FBN2: variants seen among roughly 807,000 people sequenced by gnomAD.
The protein encoded by FBN2 is fibrillin-2.
FBN2 carries 105 observed loss-of-function variants against 355.6 expected under a neutral mutation model. That is an observed-to-expected ratio of 0.30 (90% CI 0.25 to 0.35). The LOEUF (loss-of-function observed/expected upper bound fraction) is 0.35, where lower values mean the gene tolerates loss of function less well. FBN2 is among the 10% of genes least tolerant of loss of function. The pLI is 1.00. For synonymous variants in FBN2, 1,350 were observed against 1,301.2 expected (o/e 1.04, Z -0.81); for missense variants, 3,280 against 3,758.7 (o/e 0.87, Z 3.33).
At chr5:128,521,322 C>T (rs1756428163) in intron 4 of FBN2, among the ~76,000 whole-genome samples, 1 of 152,020 alleles carries the variant, frequency 6.6e-6, no homozygotes. Context: ...ACGATGAGAA[C>T]ACATGGACAC....
intron 28 of FBN2, 131 bp downstream of exon 28, chr5:128,335,857 G>A: frequency 1.0e-6 from 1 of 968,168 alleles, no homozygotes; most frequent in Admixed American, 2.0e-5. Flanking sequence ...CAATAACTGA[G>A]ATCTGCCCCT....
At chr5:128,328,510 A>T (rs1750612603) in intron 34 of FBN2, 186 bp downstream of exon 34, 1 of 713,460 alleles carries the variant, frequency 1.4e-6, no homozygotes, top group South Asian at 1.5e-5. Context: ...AAAACTTCAT[A>T]AGAGATGAAA....
At chr5:128,453,504 T>C (rs1754310524) in intron 6 of FBN2, among the ~76,000 whole-genome samples, 1 of 152,254 alleles carries the variant, frequency 6.6e-6, no homozygotes. Context: ...GCATCATTGC[T>C]TTAAATTTCC....
chr5:128,481,583 C>G (rs993527747), intron 5 of FBN2, among the ~76,000 whole-genome samples: 4 of 152,132 alleles, frequency 2.6e-5, no homozygotes, highest in African/African-American at 7.2e-5. Flanking sequence ...CGCTAACATT[C>G]CAGATACAGA....
At chr5:128,459,598 T>G (rs1436207337) in intron 6 of FBN2, among the ~76,000 whole-genome samples, 1 of 152,186 alleles carries the variant, frequency 6.6e-6, no homozygotes, top group African/African-American at 2.4e-5. Flanking sequence ...ATCAAAAAAC[T>G]TATCCACCAC....
intron 17 of FBN2, among the ~76,000 whole-genome samples, chr5:128,366,153 T>C (rs746951108): frequency 3.3e-5 from 5 of 152,076 alleles, no homozygotes; most frequent in Non-Finnish European, 7.4e-5. Flanking sequence ...GTGACATTTT[T>C]AACAATGCAT....
At chr5:128,462,738 A>G (rs770898945) in intron 6 of FBN2, among the ~76,000 whole-genome samples, 8 of 152,216 alleles carry the variant, frequency 5.3e-5, no homozygotes, top group African/African-American at 1.4e-4. Context: ...GTAAAAAAGC[A>G]TAAGTATAAA....
intron 5 of FBN2, among the ~76,000 whole-genome samples, chr5:128,502,569 T>C (rs1755847633): frequency 6.7e-6 from 1 of 149,806 alleles, no homozygotes; most frequent in South Asian, 2.1e-4. Flanking sequence ...TGACAAAAAT[T>C]GAATCAATCT....
At chr5:128,374,832 T>C in intron 14 of FBN2, 82 bp from the exon 15 acceptor site, 2 of 1,426,874 alleles carry the variant, frequency 1.4e-6, no homozygotes, top group East Asian at 2.3e-5. Context: ...CACTGCTCTA[T>C]ACTACTAACC....
rs1187489036 is a variant in FBN2, at chr5:128,361,803, A to G, written c.2474T>C (p.Leu825Ser). 5 of 1,614,070 alleles carry G rather than the reference A, an allele frequency of 3.1e-6. No individual in the cohort carries two copies. Among genetic ancestry groups the G allele is most frequent in the Non-Finnish European group, 4.2e-6 (5 of 1,180,008 alleles). Residue 825 changes from leucine (L) to serine (S), a missense_variant, in exon 19 of 65, where the codon TTG (leucine) becomes TCG (serine). This residue lies in a region of FBN2 where 2,284 missense variants were observed against 2,749.5 expected (regional missense o/e 0.83). Transcript: ENST00000262464. ...LVNRLLCDNG[L>S]CRNTPGSYSC... is the part of the protein sequence containing the mutation. ...GTAACTTCCTGGCGTGTTTCGGCACAATCCGTTATCACAAAGCAGTCTGTT... is the reference window on the plus strand; with the variant it reads ...GTAACTTCCTGGCGTGTTTCGGCACGATCCGTTATCACAAAGCAGTCTGTT...
intron 13 of FBN2, 37 bp from the exon 14 acceptor site, chr5:128,376,890 T>C: frequency 6.2e-7 from 1 of 1,610,766 alleles, no homozygotes; most frequent in Non-Finnish European, 8.5e-7. Flanking sequence ...AACACTGGCC[T>C]TGAGGGAACC....
chr5:128,460,796 G>A (rs1397325945), intron 6 of FBN2, among the ~76,000 whole-genome samples: 11 of 152,148 alleles, frequency 7.2e-5, no homozygotes, highest in Non-Finnish European at 1.5e-4. Flanking sequence ...GGGAAAACTG[G>A]CTAGCCATAT....
chr5:128,416,027 T>A (rs1448444334), intron 7 of FBN2, among the ~76,000 whole-genome samples: 3 of 136,418 alleles, frequency 2.2e-5, no homozygotes, highest in Non-Finnish European at 4.8e-5. Flanking sequence ...TAGTTTGCAC[T>A]TTTTTTTTTT....
In FBN2 at chr5:128,339,038, G is replaced by A. The variant is rs764719151; in HGVS notation, c.3367C>T (p.Pro1123Ser). The change falls in exon 26 of 65, where the codon CCT (proline) becomes TCT (serine). Residue 1123 changes from proline to serine, a missense_variant. By Grantham distance (74) the Pro-to-Ser change is moderately conservative (BLOSUM62 -1). This residue lies in a region of FBN2 where 2,284 missense variants were observed against 2,749.5 expected (regional missense o/e 0.83). Coordinates refer to ENST00000262464, the MANE Select transcript of FBN2 (RefSeq NM_001999.4). ...CAGATTCCACTGCCACAGAGGTCAGGAGAAATCCTGCACTCGTCGATGTCT... is the reference window on the plus strand; with the variant it reads ...CAGATTCCACTGCCACAGAGGTCAGAAGAAATCCTGCACTCGTCGATGTCT... The part of the protein sequence containing the change: ...CTDIDECRIS[P>S]DLCGSGICVN... The A allele has an allele frequency of 1.9e-6, 3 of 1,614,014 alleles. No individual in the cohort carries two copies. The highest frequency in any genetic ancestry group is 2.5e-6 in the Non-Finnish European group (3 of 1,179,906).
intron 18 of FBN2, among the ~76,000 whole-genome samples, chr5:128,362,581 C>T (rs549880407): frequency 6.6e-6 from 1 of 152,312 alleles, no homozygotes; most frequent in African/African-American, 2.4e-5. Context: ...CTGCCACAGC[C>T]TTCCAAAAGT....
chr5:128,364,829 T>C, intron 17 of FBN2, 104 bp from the exon 18 acceptor site: 2 of 971,514 alleles, frequency 2.1e-6, no homozygotes, highest in East Asian at 5.2e-5. Flanking sequence ...TGTTTAACTC[T>C]GCAAACTCAC....
chr5:128,395,554 G>A (rs1405188521), intron 8 of FBN2, among the ~76,000 whole-genome samples: 1 of 152,188 alleles, frequency 6.6e-6, no homozygotes, highest in Non-Finnish European at 1.5e-5. Context: ...TCCTCAGCCT[G>A]GAGATGCGCA....
At chr5:128,520,794 A>G (rs569472416) in intron 4 of FBN2, among the ~76,000 whole-genome samples, 1 of 152,302 alleles carries the variant, frequency 6.6e-6, no homozygotes, top group South Asian at 2.1e-4. Flanking sequence ...TCTCTGCACA[A>G]GTACAGCTCC....
chr5:128,406,300 A>G (rs565715563), intron 8 of FBN2, among the ~76,000 whole-genome samples: 3 of 152,250 alleles, frequency 2.0e-5, no homozygotes, highest in Non-Finnish European at 4.4e-5. Context: ...TACACTTATC[A>G]CACATTGTGG....
Sources: allele counts gnomAD v4.1 joint callset (sites outside exome capture counted in the v4.1 genomes callset), GRCh38; gene constraint gnomAD v4.1.1; regional missense constraint gnomAD v4.1.1; transcripts MANE v1.5; gene names NCBI Gene and HGNC (gene_info 2026-07-23, HGNC 2026-07-21).